The following RAB31 variants were observed in gnomAD, a reference collection of about 807,000 sequenced individuals.
The protein encoded by RAB31 is RAB31, member RAS oncogene family, also known as ras-related protein Rab-31.
A neutral mutation model predicts 25.6 loss-of-function variants in RAB31; 21 were observed. The ratio of observed to expected loss-of-function variants is 0.82; its 90% CI spans 0.58 to 1.18. The LOEUF (loss-of-function observed/expected upper bound fraction) is 1.18, where lower values mean the gene tolerates loss of function less well. RAB31 is among the 50% of genes most tolerant of loss of function. RAB31 has a pLI of 0.00. For synonymous variants in RAB31, 87 were observed against 84.0 expected (o/e 1.04, Z -0.20); for missense variants, 196 against 250.1 (o/e 0.78, Z 1.46).
chr18:9,831,033 C>T (rs539655263), intron 5 of RAB31, among the ~76,000 whole-genome samples: 215 of 152,334 alleles, frequency 1.4e-3, no homozygotes, highest in African/African-American at 4.9e-3. Flanking sequence ...TCTGTTCCAT[C>T]GGCTGACTTA....
intron 1 of RAB31, among the ~76,000 whole-genome samples, chr18:9,769,650 T>A (rs1488946647): frequency 6.6e-6 from 1 of 152,268 alleles, no homozygotes; most frequent in Non-Finnish European, 1.5e-5. Flanking sequence ...ACAATTTGAC[T>A]TCTTCTTTTC....
chr18:9,801,630 G>A (rs746615086), intron 3 of RAB31, among the ~76,000 whole-genome samples: 6 of 152,112 alleles, frequency 3.9e-5, no homozygotes, highest in Non-Finnish European at 8.8e-5. Context: ...AAGTGAAATT[G>A]TTGGGTCATA....
intron 1 of RAB31, among the ~76,000 whole-genome samples, chr18:9,711,537 T>G (rs2068017329): frequency 6.6e-6 from 1 of 152,214 alleles, no homozygotes; most frequent in African/African-American, 2.4e-5. Context: ...CCAGCCCAGC[T>G]AATACTTTTT....
intron 6 of RAB31, among the ~76,000 whole-genome samples, chr18:9,849,087 A>G (rs183701122): frequency 1.3e-5 from 2 of 152,192 alleles, no homozygotes; most frequent in African/African-American, 4.8e-5. Context: ...GTCTGCCTGC[A>G]TGTGGCTAAT....
chr18:9,733,028 T>C (rs538692233), intron 1 of RAB31, among the ~76,000 whole-genome samples: 2 of 152,292 alleles, frequency 1.3e-5, no homozygotes, highest in African/African-American at 4.8e-5. Context: ...CTCTGGATGC[T>C]GATGTGTTTG....
At chr18:9,718,198 T>C (rs2068053925) in intron 1 of RAB31, among the ~76,000 whole-genome samples, 1 of 152,100 alleles carries the variant, frequency 6.6e-6, no homozygotes, top group South Asian at 2.1e-4. Flanking sequence ...GTTCATCTCA[T>C]GGCATCAATA....
rs1323447804 is a variant in RAB31, at chr18:9,861,959, T to G, written c.*2634T>G. 1 of 152,606 alleles carries G rather than the reference T, an allele frequency of 6.6e-6. No individual in the cohort carries two copies. The highest frequency in any genetic ancestry group is 1.5e-5 in the Non-Finnish European group (1 of 68,024). 9.5% of individuals were successfully genotyped at this position (152,606 alleles called of 1,614,324 possible). On this transcript the variant is annotated 3_prime_UTR_variant, in exon 7 of 7. Transcript: ENST00000578921. ...CATTGCCACATAATTGACTTGCCAT[T>G]TTATGGTTAAAAACGGCACATTAGG...
rs149080836 is a variant in RAB31 at position 9,754,695 on chromosome 18, G to A, written c.40-20583G>A. ...AGAGATGATTTAAAGTGTACAGGAG[G>A]ATGTGCATGGGTTATATGCAAATAC... On this transcript the variant is annotated intron_variant, in intron 1 of 6. Transcript: ENST00000578921. 6.4e-4 allele frequency among the ~76,000 whole-genome samples: 98 copies of A among 152,310 alleles called. 2 individuals are homozygous for A. Among genetic ancestry groups the A allele is most frequent in the African/African-American group, 2.3e-3 (97 of 41,574 alleles).
intron 1 of RAB31, among the ~76,000 whole-genome samples, chr18:9,744,477 T>C (rs151040201): frequency 1.3e-5 from 2 of 152,342 alleles, no homozygotes; most frequent in African/African-American, 4.8e-5. Context: ...GTGAAGTCAA[T>C]AAAATCTTTG....
chr18:9,847,628 A>G (rs1260410900), intron 6 of RAB31, among the ~76,000 whole-genome samples: 1 of 152,084 alleles, frequency 6.6e-6, no homozygotes, highest in Non-Finnish European at 1.5e-5. Context: ...GCTGGAGTGC[A>G]GTAGTGCAAT....
chr18:9,794,999 A>G (rs1161035310), intron 3 of RAB31, among the ~76,000 whole-genome samples: 1 of 152,204 alleles, frequency 6.6e-6, no homozygotes, highest in East Asian at 1.9e-4. Flanking sequence ...CTATACTATA[A>G]GGGCATAGTC....
intron 1 of RAB31, among the ~76,000 whole-genome samples, chr18:9,734,689 C>T (rs769294551): frequency 3.3e-5 from 5 of 152,160 alleles, no homozygotes; most frequent in East Asian, 1.9e-4. Context: ...GGGAAGGACT[C>T]GAGTCTCTGG....
chr18:9,779,395 C>T (rs1237275457), intron 2 of RAB31, among the ~76,000 whole-genome samples: 1 of 152,132 alleles, frequency 6.6e-6, no homozygotes, highest in African/African-American at 2.4e-5. Context: ...CTTATAAGTA[C>T]TTTCTGTGGA....
intron 1 of RAB31, chr18:9,774,761 T>C (rs2068363386): frequency 4.2e-6 from 2 of 478,352 alleles, no homozygotes. Context: ...CATTATATAA[T>C]TAAGCAAAAT....
chr18:9,819,795 A>T (rs2068616300), intron 5 of RAB31, among the ~76,000 whole-genome samples: 1 of 151,688 alleles, frequency 6.6e-6, no homozygotes, highest in Non-Finnish European at 1.5e-5. Context: ...TGTTTTATTT[A>T]TTCTTCTGTA....
intron 1 of RAB31, among the ~76,000 whole-genome samples, chr18:9,754,041 A>G (rs938511877): frequency 6.6e-6 from 1 of 152,112 alleles, no homozygotes; most frequent in African/African-American, 2.4e-5. Context: ...CCCACCCAAG[A>G]CAGGAGGGGT....
Position 9,765,045 on chromosome 18 carries a change from T to A in RAB31, c.40-10233T>A, listed in dbSNP as rs190148049. On this transcript the variant is annotated intron_variant, in intron 1 of 6. Transcript: ENST00000578921. ...TTGGCTCACGGCAACCTACGCCTCC[T>A]GGGCTCAAGCAATTCTCTTGCCTCA... 1.3e-3 allele frequency among the ~76,000 whole-genome samples: 197 copies of A among 152,184 alleles called. 1 individual carries two copies. The highest frequency in any genetic ancestry group is 4.1e-3 in the Admixed American group (62 of 15,290).
chr18:9,775,162 T>G, intron 1 of RAB31, 116 bp from the exon 2 acceptor site: 1 of 1,523,442 alleles, frequency 6.6e-7, no homozygotes, highest in Non-Finnish European at 8.9e-7. Flanking sequence ...CCTCTCCCAG[T>G]CTCATCAACC....
chr18:9,720,763 G>T (rs866684558), intron 1 of RAB31, among the ~76,000 whole-genome samples: 4 of 150,248 alleles, frequency 2.7e-5, no homozygotes, highest in African/African-American at 9.9e-5. Flanking sequence ...AAAATGTGTT[G>T]CAGGGGACAA....
Sources: gnomAD v4.1 joint callset for allele counts (sites outside exome capture counted in the v4.1 genomes callset) on GRCh38, gnomAD v4.1.1 for gene constraint, MANE v1.5 for transcripts, NCBI Gene and HGNC (gene_info 2026-07-23, HGNC 2026-07-21) for gene names.